Variants in TBC1D22A observed in about 807,000 individuals in gnomAD.
TBC1D22A encodes TBC1 domain family member 22A.
TBC1D22A carries 38 observed loss-of-function variants against 60.2 expected under a neutral mutation model. The observed-to-expected ratio is 0.63, with a 90% confidence interval of 0.49 to 0.83. TBC1D22A has a LOEUF of 0.83. TBC1D22A is among the 40% of genes least tolerant of loss of function. The pLI is 0.00. For missense variants in TBC1D22A, 628 were observed against 701.0 expected (o/e 0.90, Z 1.18); for synonymous variants, 302 against 281.7 (o/e 1.07, Z -0.72).
At chr22:46,864,851 T>C (rs1451559475) in intron 4 of TBC1D22A, among the ~76,000 whole-genome samples, 1 of 152,164 alleles carries the variant, frequency 6.6e-6, no homozygotes, top group Non-Finnish European at 1.5e-5. Context: ...ACCAAGTTCA[T>C]CCTGTGTGTT....
intron 10 of TBC1D22A, among the ~76,000 whole-genome samples, chr22:47,012,862 G>A (rs1315854120): frequency 1.3e-5 from 2 of 152,188 alleles, no homozygotes; most frequent in African/African-American, 4.8e-5. Context: ...GTTGTTCCGA[G>A]AGCTCATCCT....
At chr22:47,106,304 T>G (rs1334882994) in intron 11 of TBC1D22A, among the ~76,000 whole-genome samples, 1 of 152,206 alleles carries the variant, frequency 6.6e-6, no homozygotes, top group African/African-American at 2.4e-5. Context: ...TGAAAACTAC[T>G]TATTCCCCAG....
intron 9 of TBC1D22A, among the ~76,000 whole-genome samples, chr22:46,981,145 C>CA (rs1272766755): frequency 1.3e-5 from 2 of 152,186 alleles, no homozygotes; most frequent in Non-Finnish European, 1.5e-5. Context: ...TTCCTAGAGA[C>CA]AAAGAGTATC....
chr22:46,838,605 A>G (rs1487430910), intron 4 of TBC1D22A, among the ~76,000 whole-genome samples: 1 of 152,236 alleles, frequency 6.6e-6, no homozygotes, highest in Non-Finnish European at 1.5e-5. Context: ...AGGACATTAC[A>G]AGAAAAGAAA....
chr22:46,770,464 G>A (rs538977020), intron 1 of TBC1D22A, among the ~76,000 whole-genome samples: 1 of 152,234 alleles, frequency 6.6e-6, no homozygotes, highest in Non-Finnish European at 1.5e-5. Flanking sequence ...GTGGTAATTT[G>A]TTACAGCAGC....
At chr22:47,147,943 A>G (rs1479256935) in intron 12 of TBC1D22A, among the ~76,000 whole-genome samples, 1 of 152,126 alleles carries the variant, frequency 6.6e-6, no homozygotes, top group African/African-American at 2.4e-5. Flanking sequence ...CTAGTCTGTG[A>G]GGCTGTGCTG....
At chr22:46,773,003 C>T (rs543679112) in intron 1 of TBC1D22A, among the ~76,000 whole-genome samples, 48 of 152,296 alleles carry the variant, frequency 3.2e-4, no homozygotes, top group African/African-American at 1.1e-3. Flanking sequence ...TTTTTCTTTC[C>T]CTGAACGGCC....
intron 4 of TBC1D22A, among the ~76,000 whole-genome samples, chr22:46,829,988 C>G (rs912888576): frequency 6.6e-6 from 1 of 152,216 alleles, no homozygotes; most frequent in Non-Finnish European, 1.5e-5. Context: ...ATGAGACTGG[C>G]TTTGTTCCCA....
chr22:47,074,810 C>T (rs1297603195), intron 11 of TBC1D22A, among the ~76,000 whole-genome samples: 1 of 152,218 alleles, frequency 6.6e-6, no homozygotes, highest in African/African-American at 2.4e-5. Flanking sequence ...AGTCTGCACA[C>T]CGCAGCCTGG....
intron 9 of TBC1D22A, among the ~76,000 whole-genome samples, chr22:46,987,157 A>G (rs1234339822): frequency 6.6e-6 from 1 of 152,134 alleles, no homozygotes; most frequent in Non-Finnish European, 1.5e-5. Flanking sequence ...CACACACTGT[A>G]CTCAGAAGTC....
chr22:47,082,269 T>C (rs1248534952), intron 11 of TBC1D22A, among the ~76,000 whole-genome samples: 1 of 152,210 alleles, frequency 6.6e-6, no homozygotes, highest in African/African-American at 2.4e-5. Flanking sequence ...TTCTAAAATT[T>C]ATGTGGAAAT....
chr22:46,923,314 A>G (rs546222025), intron 8 of TBC1D22A, among the ~76,000 whole-genome samples: 1 of 152,224 alleles, frequency 6.6e-6, no homozygotes, highest in East Asian at 1.9e-4. Context: ...GGATCTCTCT[A>G]CTTTCTCTGC....
At position 46,890,407 on chromosome 22, in the gene TBC1D22A, T is replaced by C. The variant is rs190565087; in HGVS notation, c.709-859T>C. ...ATAACATAAATAAAAAACAACACAG[T>C]ATAACAATTACTTACATAGCATTTA... On this transcript the variant is annotated intron_variant, in intron 5 of 12. Coordinates refer to ENST00000337137, the MANE Select transcript of TBC1D22A (RefSeq NM_014346.5). Among the ~76,000 whole-genome samples the C allele has an allele frequency of 7.4e-4, 112 of 152,184 alleles. 1 individual carries two copies. Among genetic ancestry groups the C allele is most frequent in the African/African-American group, 2.6e-3 (106 of 41,514 alleles).
At chr22:47,067,036 C>T (rs571891628) in intron 11 of TBC1D22A, among the ~76,000 whole-genome samples, 6 of 152,270 alleles carry the variant, frequency 3.9e-5, no homozygotes, top group South Asian at 4.1e-4. Flanking sequence ...GAGGCTGAGA[C>T]GGGCGGATCA....
At chr22:46,964,023 T>G (rs1428478978) in intron 8 of TBC1D22A, among the ~76,000 whole-genome samples, 1 of 152,220 alleles carries the variant, frequency 6.6e-6, no homozygotes, top group Non-Finnish European at 1.5e-5. Context: ...GACTTGAGTG[T>G]GGGCAACACA....
intron 4 of TBC1D22A, among the ~76,000 whole-genome samples, chr22:46,830,932 T>C (rs2086281527): frequency 6.6e-6 from 1 of 151,902 alleles, no homozygotes; most frequent in Non-Finnish European, 1.5e-5. Context: ...AAGAGGTATC[T>C]CCGAGGAAGA....
In TBC1D22A at chr22:46,909,764, T is replaced by C. The variant is rs372603829; in HGVS notation, c.901-2310T>C. Among the ~76,000 whole-genome samples the C allele has an allele frequency of 3.1e-4, 47 of 152,288 alleles. No individual in the cohort carries two copies. In the East Asian group the frequency reaches 4.6e-3, roughly 15 times the overall value. ...GCTGGTGAGTGGACCTAAGGGCTGT[T>C]GAGCTGGACCCGTGCCCCGTGCCTG... On this transcript the variant is annotated intron_variant, in intron 7 of 12. Transcript: ENST00000337137.
chr22:46,775,798 C>G (rs780349979), intron 1 of TBC1D22A, among the ~76,000 whole-genome samples: 2 of 152,188 alleles, frequency 1.3e-5, no homozygotes. Context: ...GAGGGTGTCA[C>G]CTAGCTGGGT....
At chr22:46,862,896 AC>A (rs978986760) in intron 4 of TBC1D22A, among the ~76,000 whole-genome samples, 75 of 152,198 alleles carry the variant, frequency 4.9e-4, no homozygotes, top group African/African-American at 1.8e-3. Context: ...GGCACCGTGG[AC>A]CCGATTTTAG....
Sources: gnomAD v4.1 joint callset for allele counts (sites outside exome capture counted in the v4.1 genomes callset) on GRCh38, gnomAD v4.1.1 for gene constraint, MANE v1.5 for transcripts, NCBI Gene and HGNC (gene_info 2026-07-23, HGNC 2026-07-21) for gene names.